The following THRB variants were observed in gnomAD, a reference collection of about 807,000 sequenced individuals.
The protein encoded by THRB is nuclear receptor subfamily 1 group A member 2.
THRB carries 12 observed loss-of-function variants against 47.8 expected under a neutral mutation model. The observed-to-expected ratio is 0.25, with a 90% confidence interval of 0.16 to 0.41. The LOEUF (loss-of-function observed/expected upper bound fraction) is 0.41. THRB is among the 10% of genes least tolerant of loss of function. The probability of loss-of-function intolerance (pLI) is 1.00; values close to 1 mark genes in which losing one functional copy is unlikely to be tolerated. For synonymous variants in THRB, 218 were observed against 212.2 expected (o/e 1.03, Z -0.24); for missense variants, 348 against 589.2 (o/e 0.59, Z 4.24).
rs1245986064 is a variant in THRB at position 24,123,025 on chromosome 3, T to C, written c.1245A>G (p.Thr415=). 1.2e-6 allele frequency: 2 copies of C among 1,614,072 alleles called. No homozygotes were observed. Among genetic ancestry groups the C allele is most frequent in the African/African-American group, 2.7e-5 (2 of 74,926 alleles). ...TCATCAGGAGTTTTGGCCAAAAGTG[T>C]GTCACGTGGTGTTTTCGGTAATTGA... ...HYINYRKHHV[T]HFWPKLLMKV... The change falls in exon 11 of 11, where the codon ACA becomes ACG. Residue 415 remains threonine (T), a synonymous_variant. Transcript: ENST00000646209.
chr3:24,429,374 A>C (rs115229829), intron 1 of THRB, among the ~76,000 whole-genome samples: 2,009 of 151,880 alleles, frequency 0.013, 26 homozygotes, highest in Non-Finnish European at 0.021. Context: ...TCATATCCCT[A>C]TTTCAGCAAG....
At chr3:24,377,963 T>C (rs574204293) in intron 1 of THRB, among the ~76,000 whole-genome samples, 27 of 152,306 alleles carry the variant, frequency 1.8e-4, no homozygotes, top group East Asian at 1.9e-4. Context: ...AGGAATCCAG[T>C]GGCAAAGCTT....
At chr3:24,164,926 C>G (rs1458367958) in intron 5 of THRB, 4 of 609,740 alleles carry the variant, frequency 6.6e-6, no homozygotes, top group Non-Finnish European at 1.2e-5. Flanking sequence ...ATTTAGCGTT[C>G]AAATTCAAAG....
intron 1 of THRB, among the ~76,000 whole-genome samples, chr3:24,447,285 T>TA (rs1304099797): frequency 6.6e-6 from 1 of 152,158 alleles, no homozygotes; most frequent in Non-Finnish European, 1.5e-5. Flanking sequence ...CAACAACCCT[T>TA]AAGTATGATT....
At chr3:24,489,883 G>A (rs1697880740) in intron 1 of THRB, among the ~76,000 whole-genome samples, 1 of 152,140 alleles carries the variant, frequency 6.6e-6, no homozygotes. Context: ...ATTGGAGAAT[G>A]AACATTTTAA....
intron 3 of THRB, among the ~76,000 whole-genome samples, chr3:24,242,408 G>A (rs367651761): frequency 6.6e-6 from 1 of 151,808 alleles, no homozygotes; most frequent in Non-Finnish European, 1.5e-5. Flanking sequence ...TACTTGTACC[G>A]ATGCAACACA....
chr3:24,189,843 A>C (rs146080805), intron 5 of THRB, among the ~76,000 whole-genome samples: 2 of 152,358 alleles, frequency 1.3e-5, no homozygotes, highest in African/African-American at 4.8e-5. Context: ...CTTCACCCCA[A>C]GTGTCCCAGC....
intron 1 of THRB, among the ~76,000 whole-genome samples, chr3:24,428,724 G>C (rs2070038427): frequency 1.1e-5 from 1 of 92,914 alleles, no homozygotes; most frequent in African/African-American, 5.5e-5. Flanking sequence ...GCTTGAGCCA[G>C]ATGGTGCAAT....
chr3:24,395,726 A>T (rs999676579), intron 1 of THRB, among the ~76,000 whole-genome samples: 1 of 152,154 alleles, frequency 6.6e-6, no homozygotes, highest in African/African-American at 2.4e-5. Flanking sequence ...AGTTAAACAT[A>T]AAGCTACCAT....
chr3:24,308,306 A>G (rs1200567228), intron 2 of THRB, among the ~76,000 whole-genome samples: 1 of 152,248 alleles, frequency 6.6e-6, no homozygotes, highest in Non-Finnish European at 1.5e-5. Context: ...AACTACTACC[A>G]AAGTGCAGGC....
intron 3 of THRB, among the ~76,000 whole-genome samples, chr3:24,232,382 A>G (rs1304298372): frequency 6.6e-6 from 1 of 152,204 alleles, no homozygotes; most frequent in Non-Finnish European, 1.5e-5. Context: ...AAAAATATAT[A>G]CAGGTTTCAC....
At chr3:24,227,161 G>A (rs1256504582) in intron 4 of THRB, among the ~76,000 whole-genome samples, 1 of 152,156 alleles carries the variant, frequency 6.6e-6, no homozygotes, top group African/African-American at 2.4e-5. Context: ...AATTATCATG[G>A]AGTAGAGAGC....
intron 4 of THRB, among the ~76,000 whole-genome samples, chr3:24,212,924 A>G (rs1428884213): frequency 6.6e-6 from 1 of 152,218 alleles, no homozygotes; most frequent in Non-Finnish European, 1.5e-5. Flanking sequence ...CATTCAGATG[A>G]TTCCTTCTGC....
intron 2 of THRB, among the ~76,000 whole-genome samples, chr3:24,324,174 A>G (rs2058664130): frequency 6.6e-6 from 1 of 152,118 alleles, no homozygotes; most frequent in Admixed American, 6.6e-5. Flanking sequence ...CACACACCGC[A>G]CATCTCAGTT....
intron 3 of THRB, among the ~76,000 whole-genome samples, chr3:24,278,996 T>C (rs960259781): frequency 6.6e-6 from 1 of 152,086 alleles, no homozygotes; most frequent in Non-Finnish European, 1.5e-5. Context: ...CGGTGCATAC[T>C]ACCACGTCCA....
At chr3:24,183,721 T>G (rs2042221946) in intron 5 of THRB, among the ~76,000 whole-genome samples, 1 of 151,318 alleles carries the variant, frequency 6.6e-6, no homozygotes, top group South Asian at 2.1e-4. Flanking sequence ...CATTGAAATA[T>G]CTTTCATCTT....
In THRB at chr3:24,118,973, GTTTTTTTTTTT is replaced by G. The variant is rs559325556; in HGVS notation, c.*3900_*3910del. 40 of 49,536 alleles carry G rather than the reference GTTTTTTTTTTT, an allele frequency of 8.1e-4. No homozygotes were observed. The highest frequency in any genetic ancestry group is 0.018 in the Middle Eastern group (1 of 56). 3.1% of individuals were successfully genotyped at this position (49,536 alleles called of 1,614,324 possible). ...GCCAAACCTTTTTTCCCCCAGTCTG[GTTTTTTTTTTT>G]TTTTTTTTTTTTTTTTTTTGAGTGT... On this transcript the variant is annotated 3_prime_UTR_variant, in exon 11 of 11. Transcript: ENST00000646209.
At chr3:24,254,341 G>A (rs991695231) in intron 3 of THRB, among the ~76,000 whole-genome samples, 1 of 149,498 alleles carries the variant, frequency 6.7e-6, no homozygotes, top group African/African-American at 2.5e-5. Context: ...CTTGCAGTGA[G>A]CCCAGATTGT....
chr3:24,305,226 G>A (rs1353190129), intron 2 of THRB, among the ~76,000 whole-genome samples: 8 of 152,166 alleles, frequency 5.3e-5, no homozygotes, highest in Non-Finnish European at 1.0e-4. Flanking sequence ...TTGTTAGAAA[G>A]GCAGATTATC....
Sources: gnomAD v4.1 joint callset for allele counts (sites outside exome capture counted in the v4.1 genomes callset) on GRCh38, gnomAD v4.1.1 for gene constraint, MANE v1.5 for transcripts, NCBI Gene and HGNC (gene_info 2026-07-23, HGNC 2026-07-21) for gene names.